Variants in WDPCP observed in about 807,000 individuals in gnomAD.
WDPCP encodes WD repeat-containing and planar cell polarity effector protein fritz homolog.
WDPCP carries 71 observed loss-of-function variants against 93.1 expected under a neutral mutation model. The observed-to-expected ratio is 0.76, with a 90% confidence interval of 0.63 to 0.93. WDPCP has a LOEUF of 0.93. WDPCP is among the 40% of genes least tolerant of loss of function. The pLI is 0.00. For missense variants in WDPCP, 844 were observed against 887.4 expected, an observed-to-expected ratio of 0.95 and a Z score of 0.62; for synonymous variants, 315 against 315.0, an observed-to-expected ratio of 1.00 and a Z score of 0.00.
chr2:63,706,262 G>C (rs545974836), intron 2 of WDPCP, among the ~76,000 whole-genome samples: 1 of 152,282 alleles, frequency 6.6e-6, no homozygotes, highest in African/African-American at 2.4e-5. Flanking sequence ...TTGCCAGTCT[G>C]TGCCTTTTAA....
At chr2:63,542,227 G>T (rs1372164836) in intron 1 of WDPCP, among the ~76,000 whole-genome samples, 1 of 152,142 alleles carries the variant, frequency 6.6e-6, no homozygotes, top group East Asian at 1.9e-4. Flanking sequence ...AATAATACAG[G>T]CCTGGGAAGG....
intron 2 of WDPCP, among the ~76,000 whole-genome samples, chr2:63,807,496 T>C (rs1488785192): frequency 6.6e-6 from 1 of 152,204 alleles, no homozygotes; most frequent in African/African-American, 2.4e-5. Context: ...CCACGCTTCT[T>C]ATATATCCTG....
chr2:63,680,872 C>T (rs955314242), intron 2 of WDPCP, among the ~76,000 whole-genome samples: 9 of 152,068 alleles, frequency 5.9e-5, no homozygotes, highest in African/African-American at 2.2e-4. Context: ...GTATAGCACA[C>T]TGGGCAGAGT....
intron 2 of WDPCP, among the ~76,000 whole-genome samples, chr2:63,763,556 GAAT>G (rs1259166748): frequency 6.7e-6 from 1 of 149,076 alleles, no homozygotes; most frequent in Non-Finnish European, 1.5e-5. Context: ...TTTGCAGTAA[GAAT>G]AACATAACTC....
Position 63,790,583 on chromosome 2 carries a change from T to C in WDPCP, n.308+23039A>G, listed in dbSNP as rs533014167. On this transcript the variant is annotated intron_variant and non_coding_transcript_variant, in intron 2 of 4. Transcript: ENST00000467687. ...GCTACAGCCCCTTAAACCTCTTCTG[T>C]TCAAGTCGTATAATAGACAGTAGGA... Among the ~76,000 whole-genome samples, 3 of 152,256 alleles carry C rather than the reference T, an allele frequency of 2.0e-5. No individual in the cohort carries two copies. The East Asian group carries it at 5.8e-4, about 29-fold the overall frequency.
chr2:63,246,222 G>T (rs1680261822), intron 14 of WDPCP, among the ~76,000 whole-genome samples: 2 of 152,060 alleles, frequency 1.3e-5, no homozygotes, highest in Admixed American at 1.3e-4. Context: ...TTCCAGGAGT[G>T]AATTTCTCAC....
chr2:63,481,560 C>T (rs1403694417), intron 6 of WDPCP, among the ~76,000 whole-genome samples: 1 of 151,966 alleles, frequency 6.6e-6, no homozygotes, highest in Non-Finnish European at 1.5e-5. Flanking sequence ...ACTACTCAGC[C>T]ATAAAAAGCA....
chr2:63,237,203 A>G (rs1190826889), intron 14 of WDPCP, among the ~76,000 whole-genome samples: 1 of 152,202 alleles, frequency 6.6e-6, no homozygotes, highest in Non-Finnish European at 1.5e-5. Context: ...AAAAGAAGAC[A>G]TACAAGTGGC....
At chr2:63,417,550 T>G (rs933469217) in intron 9 of WDPCP, among the ~76,000 whole-genome samples, 33 of 151,624 alleles carry the variant, frequency 2.2e-4, no homozygotes, top group African/African-American at 6.8e-4. Flanking sequence ...ATGAAAATAA[T>G]AAATTTGTAT....
intron 2 of WDPCP, among the ~76,000 whole-genome samples, chr2:63,772,097 T>G (rs1670238432): frequency 6.6e-6 from 1 of 152,058 alleles, no homozygotes; most frequent in Non-Finnish European, 1.5e-5. Context: ...TGCAGTTCTA[T>G]TAGTTCTTTA....
chr2:63,292,133 A>C (rs1575074044), intron 13 of WDPCP, among the ~76,000 whole-genome samples: 1 of 23,308 alleles, frequency 4.3e-5, no homozygotes. Flanking sequence ...ACTCCGGCTC[A>C]AAAAAAAAAA....
intron 15 of WDPCP, among the ~76,000 whole-genome samples, chr2:63,157,323 T>A (rs1029662253): frequency 2.0e-5 from 3 of 152,070 alleles, no homozygotes; most frequent in African/African-American, 7.2e-5. Context: ...TGTACTTTTT[T>A]TTCTTTCGTT....
intron 2 of WDPCP, among the ~76,000 whole-genome samples, chr2:63,769,483 T>G (rs1670194861): frequency 6.6e-6 from 1 of 152,022 alleles, no homozygotes; most frequent in South Asian, 2.1e-4. Flanking sequence ...CAAGGGCATA[T>G]GGAACCTTGA....
chr2:63,208,974 G>T (rs943989635), intron 14 of WDPCP, among the ~76,000 whole-genome samples: 4 of 152,132 alleles, frequency 2.6e-5, no homozygotes, highest in African/African-American at 4.8e-5. Context: ...TCCCCATTTG[G>T]CCCTGGCTCT....
chr2:63,398,949 A>G (rs1337431284), intron 10 of WDPCP, among the ~76,000 whole-genome samples: 1 of 152,162 alleles, frequency 6.6e-6, no homozygotes, highest in African/African-American at 2.4e-5. Flanking sequence ...CATAAGAAAA[A>G]TCTGTTCTTT....
rs143421322 is a variant in WDPCP at position 63,618,751 on chromosome 2, C to T, written n.488+31908G>A. On this transcript the variant is annotated intron_variant and non_coding_transcript_variant, in intron 3 of 4. Transcript: ENST00000467687. Reference sequence around the variant, plus strand: ...TGTTGCCCAGGCTGGAGTGCAATGGCGCAATCTCCGCTCACCGCAATCTCT... The same window carrying T: ...TGTTGCCCAGGCTGGAGTGCAATGGTGCAATCTCCGCTCACCGCAATCTCT... Among the ~76,000 whole-genome samples the T allele has an allele frequency of 2.0e-4, 29 of 148,230 alleles. No individual in the cohort carries two copies. The East Asian group carries it at 4.6e-3, about 23-fold the overall frequency.
chr2:63,708,518 C>T (rs1467017625), intron 2 of WDPCP, among the ~76,000 whole-genome samples: 2 of 152,172 alleles, frequency 1.3e-5, no homozygotes, highest in Non-Finnish European at 2.9e-5. Context: ...TTCCAGGTGC[C>T]GTCTGTCACC....
intron 14 of WDPCP, among the ~76,000 whole-genome samples, chr2:63,238,431 C>T (rs368419275): frequency 6.6e-6 from 1 of 151,960 alleles, no homozygotes; most frequent in African/African-American, 2.4e-5. Flanking sequence ...GATATTCTAT[C>T]TAGTAATTGT....
chr2:63,399,827 T>C (rs1219491844), intron 10 of WDPCP, among the ~76,000 whole-genome samples: 2 of 152,134 alleles, frequency 1.3e-5, no homozygotes, highest in African/African-American at 4.8e-5. Flanking sequence ...AATATTAACA[T>C]TATGAATAGA....
Sources: allele counts gnomAD v4.1 joint callset (sites outside exome capture counted in the v4.1 genomes callset), GRCh38; gene constraint gnomAD v4.1.1; transcripts MANE v1.5; gene names NCBI Gene and HGNC (gene_info 2026-07-23, HGNC 2026-07-21).